ZNF275: variants seen among roughly 807,000 people sequenced by gnomAD.
The protein encoded by ZNF275 is zinc finger protein 275.
Under a neutral mutation model 4.3 loss-of-function variants are expected in ZNF275, and 4 were observed. The ratio of observed to expected loss-of-function variants is 0.93; its 90% CI spans 0.46 to 2.13. The LOEUF is 2.13. Ranked by LOEUF, ZNF275 falls within the 30% of genes most tolerant of loss-of-function variation. ZNF275 has a pLI of 0.02. For missense variants in ZNF275, 352 were observed against 397.1 expected (o/e 0.89, Z 0.97); for synonymous variants, 173 against 166.9 (o/e 1.04, Z -0.28).
At position 153,347,507 on chromosome X, in the gene ZNF275, C is replaced by A; in HGVS notation, c.822C>A (p.Phe274Leu). The change falls in exon 4 of 4, where the codon TTC (phenylalanine) becomes TTA (leucine). Residue 274 changes from phenylalanine (F) to leucine (L), a missense_variant. Coordinates refer to ENST00000650114, the MANE Select transcript of ZNF275 (RefSeq NM_001367757.1). ...ACTGCGACGACTGCGGCAAGTCCTT[C>A]CGAGGGGTCAACGGGCTGGCCGAGC... is the stretch of plus-strand genomic sequence containing the variant. ...PFDCDDCGKS[F>L]RGVNGLAEHQ... The A allele has an allele frequency of 8.3e-7, 1 of 1,199,351 alleles. No individual in the cohort carries two copies.
In ZNF275 at chrX:153,345,514, G is replaced by T. The variant is rs2088507156; in HGVS notation, c.32-6G>T. The T allele has an allele frequency of 8.3e-7, 1 of 1,200,638 alleles. No individual in the cohort carries two copies. On this transcript the variant is annotated splice_region_variant and splice_polypyrimidine_tract_variant and intron_variant, in intron 2 of 3. Coordinates refer to ENST00000650114, the MANE Select transcript of ZNF275 (RefSeq NM_001367757.1). ...TGCCATAACCAATCTCCTTTCCCAT[G>T]AGCAGGCGTTCCTGTTTTAAATCCT...
In ZNF275 at chrX:153,345,521, C is replaced by T. The variant is rs782584865; in HGVS notation, c.33C>T (p.Gly11=). ...ACCAATCTCCTTTCCCATGAGCAGG[C>T]GTTCCTGTTTTAAATCCTGCCTTGG... The part of the protein sequence containing the change: MMSHPCVSLL[G]VPVLNPALVP... Residue 11 remains glycine, a splice_region_variant and synonymous_variant, in exon 3 of 4, where the codon GGC becomes GGT. Transcript: ENST00000650114. 86 of 1,204,166 alleles carry T rather than the reference C, an allele frequency of 7.1e-5. 1 individual carries two copies. The South Asian group carries it at 1.4e-3, about 19-fold the overall frequency.
rs1354124579 is a variant in ZNF275, at chrX:153,334,165, C to T, written c.-167C>T. ...CGCTCACGGCTCCGGAAACGCGCCG[C>T]GGGGCTGTTAGCTCGGCTGGGCACG... On this transcript the variant is annotated 5_prime_UTR_variant, in exon 1 of 4. Coordinates refer to ENST00000650114, the MANE Select transcript of ZNF275 (RefSeq NM_001367757.1). The T allele has an allele frequency of 9.0e-6, 1 of 111,205 alleles. No individual in the cohort carries two copies. The highest frequency in any genetic ancestry group is 3.3e-5 in the African/African-American group (1 of 30,703). The allele number at this position is 111,205 out of a possible 1,213,427, so 9.2% of individuals were successfully genotyped here.
intron 1 of ZNF275, among the ~76,000 whole-genome samples, chrX:153,336,157 A>G (rs1398736807): frequency 8.9e-6 from 1 of 112,781 alleles, no homozygotes; most frequent in Non-Finnish European, 1.9e-5. Flanking sequence ...TTTTATAGAA[A>G]GGAAATAAGA....
chrX:153,347,685 T>A lies in ZNF275; in HGVS notation c.1000T>A (p.Ser334Thr). 8.3e-7 allele frequency: 1 copy of A among 1,207,427 alleles called. No individual in the cohort carries two copies. Among genetic ancestry groups the A allele is most frequent in the Non-Finnish European group, 1.1e-6 (1 of 893,125 alleles). Residue 334 changes from serine (S) to threonine (T), a missense_variant, in exon 4 of 4, where the codon TCC becomes ACC. Ser to Thr is a moderately conservative substitution (Grantham distance 58). Coordinates refer to ENST00000650114, the MANE Select transcript of ZNF275 (RefSeq NM_001367757.1). ...GQCGKAFRQS[S>T]SLLEHARIHS... is the part of the protein sequence containing the mutation. ...GTGCGGCAAGGCCTTCCGCCAGAGC[T>A]CCAGCCTCCTGGAGCACGCACGCAT...
chrX:153,336,541 C>T, intron 1 of ZNF275, 93 bp from the exon 2 acceptor site: 1 of 597,092 alleles, frequency 1.7e-6, no homozygotes, highest in African/African-American at 2.2e-5. Flanking sequence ...GTATCTGGCC[C>T]AGTTCAGTAC....
chrX:153,350,585 G>A lies in ZNF275; in HGVS notation c.*2610G>A, dbSNP rs782050140. The A allele has an allele frequency of 8.1e-6, 1 of 123,944 alleles. No homozygotes were observed. The highest frequency in any genetic ancestry group is 1.9e-5 in the Non-Finnish European group (1 of 53,296). 10.2% of individuals were successfully genotyped at this position (123,944 alleles called of 1,213,427 possible). A position where few individuals can be genotyped will look rare whatever the true frequency, so the allele number is the denominator to read the frequency against. ...CCCAGCAGCTGTGGCTGGGGACAGG[G>A]ACACTAGGAGGGCCTGGCAAGGAAG... On this transcript the variant is annotated 3_prime_UTR_variant, in exon 4 of 4. Coordinates refer to ENST00000650114, the MANE Select transcript of ZNF275 (RefSeq NM_001367757.1).
At chrX:153,346,749 C>T in intron 3 of ZNF275, 70 bp from the exon 4 acceptor site, 5 of 1,063,627 alleles carry the variant, frequency 4.7e-6, no homozygotes, top group Non-Finnish European at 6.3e-6. Flanking sequence ...GAAAAAGATT[C>T]TTGACAAAGG....
Position 153,348,798 on chromosome X carries a change from C to G in ZNF275, c.*823C>G, listed in dbSNP as rs1041765925. ...GTCCTGTGACTGTACAATATAACCA[C>G]TTAAGGTCATACTTTTTCAAACAAC... On this transcript the variant is annotated 3_prime_UTR_variant, in exon 4 of 4. Transcript: ENST00000650114. The G allele has an allele frequency of 8.1e-6, 1 of 123,846 alleles. No homozygotes were observed. Among genetic ancestry groups the G allele is most frequent in the Non-Finnish European group, 1.9e-5 (1 of 53,412 alleles). 10.2% of individuals were successfully genotyped at this position (123,846 alleles called of 1,213,427 possible). A position where few individuals can be genotyped will look rare whatever the true frequency, so the allele number is the denominator to read the frequency against.
chrX:153,344,256 C>T (rs1556961295), intron 2 of ZNF275: 1 of 315,188 alleles, frequency 3.2e-6, no homozygotes, highest in Non-Finnish European at 6.1e-6. Context: ...TCTCTCACCG[C>T]TCCCTGAATC....
In ZNF275 at chrX:153,347,169, A is replaced by G. The variant is rs781994677; in HGVS notation, c.484A>G (p.Arg162Gly). 3.7e-4 allele frequency: 441 copies of G among 1,200,850 alleles called. No individual in the cohort carries two copies. Among genetic ancestry groups the G allele is most frequent in the Non-Finnish European group, 4.8e-4 (422 of 888,170 alleles). ...TGCGGAGCCCCAGCCCGGCCCCAGT[A>G]GGGCCCTGGAGAATGCCGCGGAGAA... is the stretch of plus-strand genomic sequence containing the variant. ...VAAEPQPGPS[R>G]ALENAAEKRE... The change falls in exon 4 of 4, where the codon AGG (arginine) becomes GGG (glycine). Residue 162 changes from arginine to glycine, a missense_variant. Transcript: ENST00000650114.
intron 2 of ZNF275, among the ~76,000 whole-genome samples, chrX:153,343,041 C>T (rs1227994050): frequency 2.7e-5 from 3 of 112,522 alleles, no homozygotes; most frequent in Non-Finnish European, 3.8e-5. Flanking sequence ...AATGATAGGG[C>T]TCCCGTCATC....
chrX:153,340,344 G>A (rs1255110101), intron 2 of ZNF275, among the ~76,000 whole-genome samples: 1 of 112,094 alleles, frequency 8.9e-6, no homozygotes, highest in Non-Finnish European at 1.9e-5. Flanking sequence ...AACCCCAGGG[G>A]CCTGTCTCTA....
intron 1 of ZNF275, among the ~76,000 whole-genome samples, chrX:153,336,416 G>A (rs909610667): frequency 8.8e-6 from 1 of 113,095 alleles, no homozygotes; most frequent in Admixed American, 9.2e-5. Context: ...TGGCCTGTCA[G>A]GTGGAAAGAA....
intron 2 of ZNF275, among the ~76,000 whole-genome samples, chrX:153,337,345 A>C (rs2088453038): frequency 8.9e-6 from 1 of 112,141 alleles, no homozygotes; most frequent in South Asian, 3.7e-4. Context: ...AACATCCAGC[A>C]GTGAGGCAGG....
At chrX:153,338,859 C>G (rs1218444098) in intron 2 of ZNF275, among the ~76,000 whole-genome samples, 1 of 110,575 alleles carries the variant, frequency 9.0e-6, no homozygotes, top group African/African-American at 3.3e-5. Context: ...AGCCTCACCC[C>G]CAGTCTGTCT....
chrX:153,347,558 G>T lies in ZNF275; in HGVS notation c.873G>T (p.Lys291Asn). The change falls in exon 4 of 4, where the codon AAG (lysine) becomes AAT (asparagine). Residue 291 changes from lysine to asparagine, a missense_variant. Physicochemically the swap from Lys to Asn is moderately conservative, Grantham distance 94 (BLOSUM62 0). Coordinates refer to ENST00000650114, the MANE Select transcript of ZNF275 (RefSeq NM_001367757.1). ...ACCAGCGCATCCACAGTGGGGCCAA[G>T]CCATACGGGTGTCCCCACTGCGGCA... ...AEHQRIHSGAKPYGCPHCGKL... is the reference protein window; with the variant it reads ...AEHQRIHSGANPYGCPHCGKL... 1 of 1,186,946 alleles carries T rather than the reference G, an allele frequency of 8.4e-7. No homozygotes were observed.
At chrX:153,344,827 G>C (rs782470954) in intron 2 of ZNF275, 6 of 358,283 alleles carry the variant, frequency 1.7e-5, no homozygotes, top group African/African-American at 1.6e-4. Flanking sequence ...TCTTGGAGTG[G>C]GGCAGGGGAC....
chrX:153,338,058 C>T (rs1201662984), intron 2 of ZNF275, among the ~76,000 whole-genome samples: 1 of 111,269 alleles, frequency 9.0e-6, no homozygotes, highest in Non-Finnish European at 1.9e-5. Context: ...CCCCAAGATC[C>T]ACTGTCAGAA....
Sources: allele counts gnomAD v4.1 joint callset (sites outside exome capture counted in the v4.1 genomes callset), GRCh38; gene constraint gnomAD v4.1.1; transcripts MANE v1.5; gene names NCBI Gene and HGNC (gene_info 2026-07-23, HGNC 2026-07-21).